Variants in INSR observed in about 807,000 individuals in gnomAD.
INSR encodes the protein IR.
A neutral mutation model predicts 142.6 loss-of-function variants in INSR; 67 were observed. The observed-to-expected ratio is 0.47, with a 90% CI of 0.39 to 0.58. INSR has a LOEUF of 0.58. Among genes scored for constraint, INSR ranks in the 20% least tolerant of loss-of-function variants. INSR has a pLI of 0.00. For synonymous variants in INSR, 756 were observed against 743.1 expected (o/e 1.02, Z -0.28); for missense variants, 1,248 against 1,833.2 (o/e 0.68, Z 5.83).
intron 2 of INSR, among the ~76,000 whole-genome samples, chr19:7,196,845 G>A (rs1185622413): frequency 1.3e-5 from 2 of 152,048 alleles, no homozygotes; most frequent in East Asian, 1.9e-4. Flanking sequence ...ATTTCCAAAC[G>A]GAACAGTTGC....
At chr19:7,283,042 A>T (rs1362939108) in intron 1 of INSR, among the ~76,000 whole-genome samples, 1 of 151,604 alleles carries the variant, frequency 6.6e-6, no homozygotes, top group Non-Finnish European at 1.5e-5. Context: ...AAAATACAAA[A>T]ATTAGCTAGT....
At chr19:7,219,766 C>G (rs1054734504) in intron 2 of INSR, among the ~76,000 whole-genome samples, 3 of 152,186 alleles carry the variant, frequency 2.0e-5, no homozygotes, top group African/African-American at 7.2e-5. Flanking sequence ...ACAGCTAGAT[C>G]CAGGTGTCAA....
chr19:7,263,210 C>T (rs1289318023), intron 2 of INSR, among the ~76,000 whole-genome samples: 1 of 151,250 alleles, frequency 6.6e-6, no homozygotes, highest in Non-Finnish European at 1.5e-5. Flanking sequence ...ATCCAGGAGG[C>T]GGAGGTTGCA....
chr19:7,277,813 C>T (rs901513911), intron 1 of INSR, among the ~76,000 whole-genome samples: 30 of 148,016 alleles, frequency 2.0e-4, no homozygotes, highest in African/African-American at 5.0e-4. Context: ...AAACCAAGGC[C>T]GGACACGGTG....
At position 7,192,312 on chromosome 19, in the gene INSR, A is replaced by G. The variant is rs887930389; in HGVS notation, c.653-7675T>C. Among the ~76,000 whole-genome samples the G allele has an allele frequency of 3.5e-5, 5 of 143,296 alleles. No homozygotes were observed. In the South Asian group the frequency reaches 6.9e-4, roughly 20 times the overall value. 94.0% of individuals were successfully genotyped at this position (143,296 alleles called of 152,430 possible). A position where few individuals can be genotyped will look rare whatever the true frequency, so the allele number is the denominator to read the frequency against. On this transcript the variant is annotated intron_variant, in intron 2 of 21. Transcript: ENST00000302850. This position sits in a 1 kb window ranked among gnomAD's most constrained non-coding sequence, Gnocchi z 4.2. ...GAAAAGAAAAGAAAAGAAAAGAAAA[A>G]AATCACAGGCAGCCCAGGCTGGGGA...
chr19:7,277,488 G>C (rs1360072512), intron 1 of INSR, among the ~76,000 whole-genome samples: 1 of 152,104 alleles, frequency 6.6e-6, no homozygotes, highest in Admixed American at 6.6e-5. Flanking sequence ...AAAGGACAAA[G>C]TACTAAAACA....
At chr19:7,277,300 G>C (rs990645193) in intron 1 of INSR, among the ~76,000 whole-genome samples, 2 of 151,692 alleles carry the variant, frequency 1.3e-5, no homozygotes, top group Non-Finnish European at 2.9e-5. Context: ...TCTGGACCCG[G>C]CAAGTCAGCT....
chr19:7,209,867 G>A (rs1413704985), intron 2 of INSR, among the ~76,000 whole-genome samples: 1 of 152,106 alleles, frequency 6.6e-6, no homozygotes, highest in Admixed American at 6.6e-5. Context: ...TGTCGTGGGT[G>A]TCTTAGCAAT....
intron 9 of INSR, among the ~76,000 whole-genome samples, chr19:7,156,042 ATATGGAATTCTT>A (rs1462732210): frequency 6.9e-6 from 1 of 144,422 alleles, no homozygotes; most frequent in African/African-American, 2.6e-5. Flanking sequence ...GTAGAATGCC[ATATGGAATTCTT>A]TTTTTTTTTT....
chr19:7,123,282 C>T (rs1972541470), intron 17 of INSR: 1 of 382,520 alleles, frequency 2.6e-6, no homozygotes, highest in Admixed American at 3.8e-5. Context: ...AATTCTCCTG[C>T]CTCAGTCTCC....
Position 7,184,647 on chromosome 19 carries a change from GA to G in INSR, c.653-11del. 6.7e-7 allele frequency: 1 copy of G among 1,485,626 alleles called. No individual in the cohort carries two copies. 92.0% of individuals were successfully genotyped at this position (1,485,626 alleles called of 1,614,324 possible). On this transcript the variant is annotated splice_polypyrimidine_tract_variant and intron_variant, in intron 2 of 21. Coordinates refer to ENST00000302850, the MANE Select transcript of INSR (RefSeq NM_000208.4). Reference sequence around the variant, plus strand: ...CAGATGGTCGGGCAAACTGGAGAGAGAGAGAGAGAGAGAGGGAAATAAATAA... The same window carrying G: ...CAGATGGTCGGGCAAACTGGAGAGAGGAGAGAGAGAGAGGGAAATAAATAA...
rs563517780 is a variant in INSR, at chr19:7,231,060, AGAGCCAG to A, written c.652+36278_652+36284del. On this transcript the variant is annotated intron_variant, in intron 2 of 21. Transcript: ENST00000302850. ...CACAGGGAAGCCAACTCCCTTGGCC[AGAGCCAG>A]GAGCCAGGAGCCACACCAGCTCGCT... Among the ~76,000 whole-genome samples the A allele has an allele frequency of 4.2e-3, 643 of 152,332 alleles. 4 individuals carry two copies. The highest frequency in any genetic ancestry group is 0.015 in the African/African-American group (610 of 41,584).
intron 2 of INSR, among the ~76,000 whole-genome samples, chr19:7,211,292 C>T (rs541447165): frequency 2.0e-5 from 3 of 152,286 alleles, no homozygotes; most frequent in Non-Finnish European, 4.4e-5. Context: ...GTTTTGAACT[C>T]CTGGCCTCGA....
At chr19:7,214,069 A>C (rs1975359627) in intron 2 of INSR, among the ~76,000 whole-genome samples, 1 of 152,084 alleles carries the variant, frequency 6.6e-6, no homozygotes, top group South Asian at 2.1e-4. Context: ...CCTGGGCGAG[A>C]AGTCTATGAA....
At chr19:7,184,265 C>G (rs760465872) in intron 3 of INSR, 51 bp downstream of exon 3, 1 of 1,534,560 alleles carries the variant, frequency 6.5e-7, no homozygotes, top group Non-Finnish European at 9.0e-7. Context: ...ACAACCAACC[C>G]CACGTTCCTT....
rs367822338 is a variant in INSR, at chr19:7,217,913, A to G, written c.653-33276T>C. Reference sequence around the variant, plus strand: ...AGAAAAGATGCAAGGGTGACACAGAAAGTTCTCATGTACCCATCACTCAGT... The same window carrying G: ...AGAAAAGATGCAAGGGTGACACAGAGAGTTCTCATGTACCCATCACTCAGT... On this transcript the variant is annotated intron_variant, in intron 2 of 21. Transcript: ENST00000302850. Among the ~76,000 whole-genome samples the G allele has an allele frequency of 9.3e-4, 141 of 152,324 alleles. 6 individuals are homozygous for G. In the South Asian group the frequency reaches 0.029, roughly 31 times the overall value.
chr19:7,228,521 T>A (rs1208705968), intron 2 of INSR, among the ~76,000 whole-genome samples: 1 of 152,210 alleles, frequency 6.6e-6, no homozygotes, highest in Non-Finnish European at 1.5e-5. Context: ...CTGACCATAT[T>A]CAGCTGCGTC....
In INSR at chr19:7,166,216, GA is replaced by G. The variant is rs1973886000; in HGVS notation, c.1798del (p.Ser600ArgfsTer41). On this transcript the variant is annotated frameshift_variant, in exon 8 of 22. Coordinates refer to ENST00000302850, the MANE Select transcript of INSR (RefSeq NM_000208.4). LOFTEE classifies it high-confidence loss of function. This position sits in a 1 kb window ranked among gnomAD's most constrained non-coding sequence, Gnocchi z 4.1. ...GGCCCCATAGGTCCGGCGTTCATCC[GA>G]AAAGGTGACCAGGGTCTTCACAAAG... ...AIFVKTLVTF[S>X]DERRTYGAKS... 1 of 1,614,032 alleles carries G rather than the reference GA, an allele frequency of 6.2e-7. No homozygotes were observed. The highest frequency in any genetic ancestry group is 1.7e-5 in the Admixed American group (1 of 59,978).
intron 9 of INSR, among the ~76,000 whole-genome samples, chr19:7,154,781 G>A (rs773812483): frequency 1.3e-5 from 2 of 151,940 alleles, no homozygotes; most frequent in African/African-American, 2.4e-5. Flanking sequence ...AAAGTTAGCC[G>A]GGCGTGGTGG....
Sources: allele counts gnomAD v4.1 joint callset (sites outside exome capture counted in the v4.1 genomes callset), GRCh38; gene constraint gnomAD v4.1.1; non-coding constraint Gnocchi (gnomAD v3.1); transcripts MANE v1.5; gene names NCBI Gene and HGNC (gene_info 2026-07-23, HGNC 2026-07-21).